The following MYO18A variants were observed in gnomAD, a reference collection of about 807,000 sequenced individuals.
The protein encoded by MYO18A is myosin XVIIIA.
MYO18A carries 78 observed loss-of-function variants against 235.8 expected under a neutral mutation model. The ratio of observed to expected loss-of-function variants is 0.33; its 90% CI spans 0.28 to 0.40. The LOEUF (loss-of-function observed/expected upper bound fraction) is 0.40, where lower values mean the gene tolerates loss of function less well. Among genes scored for constraint, MYO18A ranks in the 10% least tolerant of loss-of-function variants. The pLI is 1.00. For synonymous variants in MYO18A, 977 were observed against 1,077.8 expected (o/e 0.91, Z 1.83); for missense variants, 2,215 against 2,699.3 (o/e 0.82, Z 3.98).
In MYO18A at chr17:29,073,718, GTGT is replaced by G; in HGVS notation, c.*1049_*1051del. On this transcript the variant is annotated 3_prime_UTR_variant, in exon 42 of 42. Coordinates refer to ENST00000527372, the MANE Select transcript of MYO18A (RefSeq NM_078471.4). ...GGGGCTGGGACCTCCAGACCACATG[GTGT>G]TGTGTCTGGGATAAGTGTGTGGGGG... 1 of 908,586 alleles carries G rather than the reference GTGT, an allele frequency of 1.1e-6. No individual in the cohort carries two copies. Among genetic ancestry groups the G allele is most frequent in the Non-Finnish European group, 1.7e-6 (1 of 594,988 alleles). 56.3% of individuals were successfully genotyped at this position (908,586 alleles called of 1,614,324 possible).
Position 29,121,291 on chromosome 17 carries a change from A to G in MYO18A, c.1372-80T>C. On this transcript the variant is annotated intron_variant, in intron 5 of 41. Coordinates refer to ENST00000527372, the MANE Select transcript of MYO18A (RefSeq NM_078471.4). The surrounding 1 kb of genome is among the most constrained non-coding windows in gnomAD (Gnocchi z 4.2). ...GACACCCCTCACCCCCAAGGTCCAC[A>G]TCTTTCTGGATTTTCCCTCCTGTAG... 1 of 1,458,802 alleles carries G rather than the reference A, an allele frequency of 6.9e-7. No homozygotes were observed. Among genetic ancestry groups the G allele is most frequent in the Non-Finnish European group, 9.3e-7 (1 of 1,073,458 alleles). The allele number at this position is 1,458,802 out of a possible 1,614,324, so 90.4% of individuals were successfully genotyped here.
chr17:29,134,375 G>A (rs1749963938), intron 2 of MYO18A, among the ~76,000 whole-genome samples: 1 of 152,248 alleles, frequency 6.6e-6, no homozygotes, highest in Admixed American at 6.5e-5. Flanking sequence ...GAGCTGACGT[G>A]CCCGGCCAGA....
At chr17:29,130,470 T>G (rs2067440140) in intron 2 of MYO18A, among the ~76,000 whole-genome samples, 1 of 130,602 alleles carries the variant, frequency 7.7e-6, no homozygotes, top group African/African-American at 3.0e-5. Context: ...CTCTGAGGCC[T>G]CTCCCACACA....
chr17:29,161,381 G>GC (rs2068169599), intron 2 of MYO18A, among the ~76,000 whole-genome samples: 2 of 145,206 alleles, frequency 1.4e-5, no homozygotes, highest in Non-Finnish European at 3.0e-5. Context: ...AAAAAAAATA[G>GC]CCAGGTGTGG....
chr17:29,170,765 A>G (rs1393978726), intron 1 of MYO18A, among the ~76,000 whole-genome samples: 1 of 152,238 alleles, frequency 6.6e-6, no homozygotes, highest in Non-Finnish European at 1.5e-5. Context: ...CAGCTGCTCT[A>G]TCACTTTAAG....
chr17:29,121,517 G>A lies in MYO18A; in HGVS notation c.1371+30C>T. On this transcript the variant is annotated intron_variant, in intron 5 of 41. Transcript: ENST00000527372. This position sits in a 1 kb window ranked among gnomAD's most constrained non-coding sequence, Gnocchi z 4.2. ...GCCAGGGCAGGGGGTGGGACCAGGAGTCTGCAGGGTAGCCTTGAGGGTGCT... is the reference window on the plus strand; with the variant it reads ...GCCAGGGCAGGGGGTGGGACCAGGAATCTGCAGGGTAGCCTTGAGGGTGCT... 2 of 1,569,998 alleles carry A rather than the reference G, an allele frequency of 1.3e-6. No individual in the cohort carries two copies. Among genetic ancestry groups the A allele is most frequent in the Non-Finnish European group, 8.6e-7 (1 of 1,156,908 alleles).
rs1407073789 is a variant in MYO18A, at chr17:29,140,614, G to A, written c.1000-18361C>T. On this transcript the variant is annotated intron_variant, in intron 2 of 41. Transcript: ENST00000527372. The surrounding 1 kb of genome is among the most constrained non-coding windows in gnomAD (Gnocchi z 4.2). ...GGTAAAGCCATTGGGGTGGGGGGCA[G>A]GCAGTGTTAGGGGGTTAGGGCAAGG... 2.2e-5 allele frequency: 5 copies of A among 232,538 alleles called. No individual in the cohort carries two copies. Among genetic ancestry groups the A allele is most frequent in the Admixed American group, 1.7e-4 (3 of 17,336 alleles). The allele number at this position is 232,538 out of a possible 1,614,324, so 14.4% of individuals were successfully genotyped here.
intron 28 of MYO18A, among the ~76,000 whole-genome samples, chr17:29,095,931 A>G (rs1461957206): frequency 6.6e-6 from 1 of 152,096 alleles, no homozygotes; most frequent in Non-Finnish European, 1.5e-5. Context: ...CCTTTGGGTA[A>G]AGGGGTAGGG....
rs986618275 is a variant in MYO18A at position 29,071,336 on chromosome 17, G to A, written c.*3434C>T. On this transcript the variant is annotated 3_prime_UTR_variant, in exon 42 of 42. Transcript: ENST00000527372. ...ATCTTAGGGACCAGAGGTACCATGA[G>A]TGTACAGGTAAGGTCAACAGCAGAG... 22 of 152,218 alleles carry A rather than the reference G, an allele frequency of 1.4e-4. No homozygotes were observed. Among genetic ancestry groups the A allele is most frequent in the African/African-American group, 5.1e-4 (21 of 41,456 alleles). 9.4% of individuals were successfully genotyped at this position (152,218 alleles called of 1,614,324 possible). A position where few individuals can be genotyped will look rare whatever the true frequency, so the allele number is the denominator to read the frequency against.
At position 29,165,958 on chromosome 17, in the gene MYO18A, C is replaced by G. The variant is rs372527342; in HGVS notation, c.983G>C (p.Arg328Pro). The G allele has an allele frequency of 1.2e-6, 2 of 1,612,616 alleles. No individual in the cohort carries two copies. Among genetic ancestry groups the G allele is most frequent in the African/African-American group, 2.7e-5 (2 of 75,062 alleles). Residue 328 changes from arginine to proline, a missense_variant, in exon 2 of 42, where the codon CGC becomes CCC. Coordinates refer to ENST00000527372, the MANE Select transcript of MYO18A (RefSeq NM_078471.4). The stretch of plus-strand genomic sequence containing the variant: ...AGCACTCACATCGGATGGCTCCCTG[C>G]GAGGTCCCTCGCCGCTCCGCAGCCA... ...RSWLRSGEGP[R>P]REPSDAKTEE...
intron 2 of MYO18A, among the ~76,000 whole-genome samples, chr17:29,159,617 C>T (rs1198716094): frequency 6.6e-6 from 1 of 152,222 alleles, no homozygotes; most frequent in Non-Finnish European, 1.5e-5. Context: ...GCTCCACCAC[C>T]ACCAGAAGGC....
intron 2 of MYO18A, among the ~76,000 whole-genome samples, chr17:29,143,387 C>T (rs1027312690): frequency 4.0e-5 from 6 of 151,260 alleles, no homozygotes; most frequent in African/African-American, 9.7e-5. Context: ...CATGCACCAC[C>T]GTGCCACCAT....
At chr17:29,110,738 G>T in intron 17 of MYO18A, 116 bp from the exon 18 acceptor site, 1 of 1,069,126 alleles carries the variant, frequency 9.4e-7, no homozygotes, top group East Asian at 2.6e-5. Flanking sequence ...ACGTCCAGGG[G>T]CCTGGCTACC....
rs1300132472 is a variant in MYO18A at position 29,140,391 on chromosome 17, C to T, written c.1000-18138G>A. ...AGAGCAAGGAGACTCCGCTCTGATG[C>T]TGCTCTGGCTCCGTTAGCAGCTCAA... On this transcript the variant is annotated intron_variant, in intron 2 of 41. Transcript: ENST00000527372. The surrounding 1 kb of genome is among the most constrained non-coding windows in gnomAD (Gnocchi z 4.2). 4 of 1,284,144 alleles carry T rather than the reference C, an allele frequency of 3.1e-6. No individual in the cohort carries two copies. Among genetic ancestry groups the T allele is most frequent in the African/African-American group, 3.0e-5 (2 of 65,576 alleles). 79.5% of individuals were successfully genotyped at this position (1,284,144 alleles called of 1,614,324 possible).
Position 29,111,418 on chromosome 17 carries a change from TCTTA to T in MYO18A, c.2900+2_2900+5del. On this transcript the variant is annotated splice_donor_variant and splice_donor_5th_base_variant and intron_variant, in intron 17 of 41. Coordinates refer to ENST00000527372, the MANE Select transcript of MYO18A (RefSeq NM_078471.4). LOFTEE classifies it high-confidence loss of function. The surrounding 1 kb of genome is among the most constrained non-coding windows in gnomAD (Gnocchi z 5.1). ...AGAACAGGGGCGGAGGGAGTGGTGG[TCTTA>T]CTTCTGGGAGTCCTGCAGGAGCCGG... The T allele has an allele frequency of 6.2e-7, 1 of 1,611,198 alleles. No individual in the cohort carries two copies. Among genetic ancestry groups the T allele is most frequent in the Non-Finnish European group, 8.5e-7 (1 of 1,178,926 alleles).
At chr17:29,133,389 C>T (rs935828449) in intron 2 of MYO18A, among the ~76,000 whole-genome samples, 2 of 152,232 alleles carry the variant, frequency 1.3e-5, no homozygotes, top group Non-Finnish European at 2.9e-5. Flanking sequence ...GCCTGACTCC[C>T]CACCCTTGGC....
chr17:29,136,530 G>A (rs1253109531), intron 2 of MYO18A, among the ~76,000 whole-genome samples: 1 of 152,140 alleles, frequency 6.6e-6, no homozygotes, highest in Non-Finnish European at 1.5e-5. Flanking sequence ...CACCTACAAT[G>A]AGATGGGCCC....
rs2066142104 is a variant in MYO18A, at chr17:29,082,370, T to C, written c.5966A>G (p.Lys1989Arg). 2 of 1,613,978 alleles carry C rather than the reference T, an allele frequency of 1.2e-6. No individual in the cohort carries two copies. Among genetic ancestry groups the C allele is most frequent in the Non-Finnish European group, 1.7e-6 (2 of 1,179,888 alleles). Reference protein sequence around the residue: ...RVDGVKSWLSKNKGPSKAASD... With the variant: ...RVDGVKSWLSRNKGPSKAASD... ...AGCTGCCTTGGAAGGTCCCTTGTTT[T>C]TTGACAACCAGGACTTGACCCCGTC... The change falls in exon 41 of 42, where the codon AAA becomes AGA. Residue 1989 changes from lysine (K) to arginine (R), a missense_variant. Coordinates refer to ENST00000527372, the MANE Select transcript of MYO18A (RefSeq NM_078471.4).
intron 2 of MYO18A, among the ~76,000 whole-genome samples, chr17:29,152,740 T>C (rs1230884244): frequency 6.6e-6 from 1 of 151,974 alleles, no homozygotes; most frequent in Non-Finnish European, 1.5e-5. Flanking sequence ...CTTTTTTTTT[T>C]AAACAGGATC....
Sources: gnomAD v4.1 joint callset for allele counts (sites outside exome capture counted in the v4.1 genomes callset) on GRCh38, gnomAD v4.1.1 for gene constraint, Gnocchi (gnomAD v3.1) non-coding constraint, MANE v1.5 for transcripts, NCBI Gene and HGNC (gene_info 2026-07-23, HGNC 2026-07-21) for gene names.